The following ZNF536 variants were observed in gnomAD, a reference collection of about 807,000 sequenced individuals.
The protein encoded by ZNF536 is zinc finger protein 536.
Under a neutral mutation model 84.5 loss-of-function variants are expected in ZNF536, and 13 were observed. That is an observed-to-expected ratio of 0.15 (90% confidence interval 0.10 to 0.24). The LOEUF is 0.24. ZNF536 is among the 10% of genes least tolerant of loss of function. The pLI, the probability that ZNF536 is intolerant of heterozygous loss-of-function variation, is 1.00. For synonymous variants in ZNF536, 811 were observed against 742.5 expected, an observed-to-expected ratio of 1.09 and a Z score of -1.50; for missense variants, 1,536 against 1,747.5, an observed-to-expected ratio of 0.88 and a Z score of 2.16.
At chr19:30,625,785 A>G (rs370151109) in intron 1 of ZNF536, among the ~76,000 whole-genome samples, 1 of 152,164 alleles carries the variant, frequency 6.6e-6, no homozygotes, top group Non-Finnish European at 1.5e-5. Context: ...TAGGCATGCC[A>G]TGGACTCTGT....
chr19:30,440,922 GATAGA>G (rs2052013129), intron 1 of ZNF536, among the ~76,000 whole-genome samples: 1 of 151,074 alleles, frequency 6.6e-6, no homozygotes. Context: ...TAGATAGATA[GATAGA>G]TAGATAGATA....
intron 2 of ZNF536, among the ~76,000 whole-genome samples, chr19:30,343,746 C>T (rs1244390631): frequency 1.3e-5 from 2 of 152,108 alleles, no homozygotes; most frequent in Admixed American, 1.3e-4. Context: ...GTGGACCTTT[C>T]GATGCGAAAC....
At chr19:30,550,993 A>G (rs947315530) in intron 4 of ZNF536, among the ~76,000 whole-genome samples, 2 of 152,106 alleles carry the variant, frequency 1.3e-5, no homozygotes, top group African/African-American at 4.8e-5. Flanking sequence ...AAGGGAAAAA[A>G]GCGTTTTATG....
intron 1 of ZNF536, among the ~76,000 whole-genome samples, chr19:30,279,262 G>T (rs1443215549): frequency 6.6e-6 from 1 of 152,104 alleles, no homozygotes; most frequent in African/African-American, 2.4e-5. Flanking sequence ...TTTGAATCTG[G>T]TCTCGGAAAC....
intron 1 of ZNF536, among the ~76,000 whole-genome samples, chr19:30,621,579 C>G (rs1373256959): frequency 6.6e-6 from 1 of 152,226 alleles, no homozygotes; most frequent in Non-Finnish European, 1.5e-5. Context: ...AGCGCCAGAC[C>G]TAAAAACAAT....
chr19:30,566,117 G>C (rs2046337393), intron 1 of ZNF536, among the ~76,000 whole-genome samples: 1 of 152,208 alleles, frequency 6.6e-6, no homozygotes, highest in South Asian at 2.1e-4. Flanking sequence ...AATCAGTCGT[G>C]GCCTTTGGGC....
intron 1 of ZNF536, among the ~76,000 whole-genome samples, chr19:30,635,623 G>A (rs1159362868): frequency 6.6e-6 from 1 of 152,148 alleles, no homozygotes; most frequent in Non-Finnish European, 1.5e-5. Flanking sequence ...AGAGCTCCTG[G>A]GTGTGGCTGG....
chr19:30,250,881 TG>T (rs2024567884), intron 1 of ZNF536, among the ~76,000 whole-genome samples: 1 of 151,210 alleles, frequency 6.6e-6, no homozygotes, highest in Admixed American at 6.6e-5. Context: ...AGATATCAAG[TG>T]TCAAATACTT....
chr19:30,713,477 TATA>T (rs2052514692), exon 2 of ZNF536: 1 of 152,244 alleles, frequency 6.6e-6, no homozygotes, highest in Admixed American at 6.5e-5. Flanking sequence ...TATTTATTAT[TATA>T]ATACATCAGT....
chr19:30,245,149 A>C (rs1289994970), intron 1 of ZNF536, among the ~76,000 whole-genome samples: 2 of 152,140 alleles, frequency 1.3e-5, no homozygotes, highest in East Asian at 1.9e-4. Flanking sequence ...TTTCCTCTGC[A>C]TGGGACCCCC....
At chr19:30,517,332 T>C (rs1215169210) in intron 2 of ZNF536, among the ~76,000 whole-genome samples, 1 of 151,836 alleles carries the variant, frequency 6.6e-6, no homozygotes, top group Non-Finnish European at 1.5e-5. Flanking sequence ...TTTTTAGAGG[T>C]GGAAAGGGCT....
intron 1 of ZNF536, among the ~76,000 whole-genome samples, chr19:30,599,657 A>G (rs2047612151): frequency 6.6e-6 from 1 of 152,090 alleles, no homozygotes; most frequent in Non-Finnish European, 1.5e-5. Context: ...AAGACAAGGC[A>G]GAGACTGCAG....
At chr19:30,658,065 C>T (rs1395369579) in intron 1 of ZNF536, among the ~76,000 whole-genome samples, 1 of 151,174 alleles carries the variant, frequency 6.6e-6, no homozygotes, top group Non-Finnish European at 1.5e-5. Flanking sequence ...CTGTATCACC[C>T]AGGCTGGAGT....
At chr19:30,602,215 C>T (rs1032350212) in intron 1 of ZNF536, among the ~76,000 whole-genome samples, 1 of 152,254 alleles carries the variant, frequency 6.6e-6, no homozygotes, top group Admixed American at 6.5e-5. Context: ...GGAACATCTG[C>T]TCATTGGCTG....
chr19:30,407,373 T>C (rs12609725), intron 1 of ZNF536, among the ~76,000 whole-genome samples: 144,271 of 152,300 alleles, frequency 0.95, 68,442 homozygotes, highest in African/African-American at 0.96. Context: ...GTCATCAACA[T>C]AGAAGAAGAC....
chr19:30,253,767 G>C (rs770121715), intron 1 of ZNF536, among the ~76,000 whole-genome samples: 4 of 152,078 alleles, frequency 2.6e-5, no homozygotes, highest in Non-Finnish European at 4.4e-5. Flanking sequence ...GGTGAGTCAC[G>C]GCTGCGCTTT....
rs562995802 is a variant in ZNF536 at position 30,272,912 on chromosome 19, T to A, written c.-189-11160T>A. ...ATAAACATTCATGCGCATTTTTTTT[T>A]AAATTTTTTACTTTTTAAGAGACAG... On this transcript the variant is annotated intron_variant, in intron 1 of 5. Transcript: ENST00000585628. Among the ~76,000 whole-genome samples, 120 of 152,282 alleles carry A rather than the reference T, an allele frequency of 7.9e-4. 2 individuals carry two copies. Among genetic ancestry groups the A allele is most frequent in the Middle Eastern group, 3.4e-3 (1 of 294 alleles).
At chr19:30,361,862 G>A (rs535543118) in intron 3 of ZNF536, among the ~76,000 whole-genome samples, 20 of 152,300 alleles carry the variant, frequency 1.3e-4, no homozygotes, top group Non-Finnish European at 1.9e-4. Flanking sequence ...GGTCCACTCC[G>A]CTGTGACTTT....
chr19:30,703,383 G>A (rs1372590575), intron 1 of ZNF536, among the ~76,000 whole-genome samples: 1 of 152,170 alleles, frequency 6.6e-6, no homozygotes, highest in East Asian at 1.9e-4. Context: ...TCCCAGTGCT[G>A]TTTGGGACCT....
Sources: gnomAD v4.1 joint callset for allele counts (sites outside exome capture counted in the v4.1 genomes callset) on GRCh38, gnomAD v4.1.1 for gene constraint, MANE v1.5 for transcripts, NCBI Gene and HGNC (gene_info 2026-07-23, HGNC 2026-07-21) for gene names.